Variants in MAGI1 observed in about 807,000 individuals in gnomAD.
MAGI1 encodes the protein membrane-associated guanylate kinase, WW and PDZ domain-containing protein 1.
MAGI1 carries 58 observed loss-of-function variants against 139.9 expected under a neutral mutation model. The observed-to-expected ratio is 0.41, with a 90% CI of 0.34 to 0.52. The LOEUF is 0.52. Among genes scored for constraint, MAGI1 ranks in the 20% least tolerant of loss-of-function variants. The pLI is 0.12. For missense variants in MAGI1, 1,874 were observed against 1,901.6 expected (o/e 0.99, Z 0.27); for synonymous variants, 812 against 737.9 (o/e 1.10, Z -1.63).
rs142785439 is a variant in MAGI1, at chr3:65,409,197, T to C, written c.2168-7727A>G. ...CTAAGAGATAAAAGTAAATCAGACA[T>C]GGCCCCTGCCCTGGAGGAGCTCATA... is the stretch of plus-strand genomic sequence containing the variant. On this transcript the variant is annotated intron_variant, in intron 12 of 22. Transcript: ENST00000402939. 3.9e-3 allele frequency among the ~76,000 whole-genome samples: 590 copies of C among 152,300 alleles called. 3 individuals are homozygous for C. Among genetic ancestry groups the C allele is most frequent in the Non-Finnish European group, 6.1e-3 (414 of 68,028 alleles).
At position 65,379,553 on chromosome 3, in the gene MAGI1, C is replaced by A. The variant is rs571060062; in HGVS notation, c.2703G>T (p.Val901=). Reference sequence around the variant, plus strand: ...AGGGCACCTCGTTCTCGGTTTTGGGCACTGTAGCAGAGAGATGCACGCGTA... The same window carrying A: ...AGGGCACCTCGTTCTCGGTTTTGGGAACTGTAGCAGAGAGATGCACGCGTA... ...LTVRRKVVFA[V]PKTENEVPSP... is the part of the protein sequence containing the mutation. Residue 901 remains valine, a splice_region_variant and synonymous_variant, in exon 17 of 23, where the codon GTG becomes GTT. Transcript: ENST00000402939. 3.1e-6 allele frequency: 5 copies of A among 1,607,842 alleles called. No individual in the cohort carries two copies. In the East Asian group the frequency reaches 9.0e-5, roughly 29 times the overall value.
intron 1 of MAGI1, among the ~76,000 whole-genome samples, chr3:65,693,714 T>TGTTTTC (rs1269553729): frequency 2.8e-4 from 43 of 152,264 alleles, no homozygotes; most frequent in African/African-American, 9.9e-4. Flanking sequence ...TTTTTGTTTT[T>TGTTTTC]GTTTTTTGTT....
At chr3:65,584,961 A>G (rs191548360) in intron 2 of MAGI1, among the ~76,000 whole-genome samples, 1 of 152,342 alleles carries the variant, frequency 6.6e-6, no homozygotes, top group East Asian at 1.9e-4. Flanking sequence ...AGAAAGGCAG[A>G]CGGGCCAAAT....
intron 2 of MAGI1, among the ~76,000 whole-genome samples, chr3:65,616,284 G>T (rs187820397): frequency 4.2e-4 from 64 of 152,248 alleles, no homozygotes; most frequent in Non-Finnish European, 7.9e-4. Flanking sequence ...GACAAGCCAA[G>T]GGCACATGGG....
At chr3:65,805,393 A>G (rs1394166139) in intron 1 of MAGI1, among the ~76,000 whole-genome samples, 4 of 152,234 alleles carry the variant, frequency 2.6e-5, no homozygotes, top group African/African-American at 9.6e-5. Context: ...ATGAAATACC[A>G]TCTTATGCCA....
intron 22 of MAGI1, chr3:65,359,206 G>A: frequency 6.3e-7 from 1 of 1,597,962 alleles, no homozygotes; most frequent in Admixed American, 1.7e-5. Flanking sequence ...GAGAAAGAGA[G>A]AAAGAGAAAA....
At chr3:65,435,966 G>A (rs1166904268) in intron 10 of MAGI1, among the ~76,000 whole-genome samples, 3 of 152,072 alleles carry the variant, frequency 2.0e-5, no homozygotes, top group Admixed American at 6.6e-5. Context: ...GCCTACAGAA[G>A]GAATTTTATG....
At chr3:66,010,264 AGAAAGTAAG>A (rs1043664968) in intron 1 of MAGI1, among the ~76,000 whole-genome samples, 9 of 152,180 alleles carry the variant, frequency 5.9e-5, no homozygotes, top group African/African-American at 2.2e-4. Flanking sequence ...AAAAGTATAC[AGAAAGTAAG>A]GAGCCTGCTC....
intron 1 of MAGI1, among the ~76,000 whole-genome samples, chr3:65,756,096 G>C (rs568057088): frequency 6.6e-6 from 1 of 152,104 alleles, no homozygotes; most frequent in Non-Finnish European, 1.5e-5. Context: ...AAAAATTATC[G>C]TGTCGGGGCT....
intron 13 of MAGI1, among the ~76,000 whole-genome samples, chr3:65,399,074 T>C (rs1449724219): frequency 4.6e-5 from 7 of 151,880 alleles, no homozygotes; most frequent in Non-Finnish European, 1.0e-4. Context: ...CAGGAGCCTC[T>C]AATAAAATAA....
chr3:65,661,598 A>G (rs566614272), intron 1 of MAGI1, among the ~76,000 whole-genome samples: 1 of 152,294 alleles, frequency 6.6e-6, no homozygotes, highest in African/African-American at 2.4e-5. Context: ...TCTAAGCCTC[A>G]GTTTCCTCAT....
At chr3:65,774,517 T>C (rs1266594490) in intron 1 of MAGI1, among the ~76,000 whole-genome samples, 1 of 152,190 alleles carries the variant, frequency 6.6e-6, no homozygotes, top group East Asian at 1.9e-4. Flanking sequence ...AAAGAATTCA[T>C]AATAAGTGCT....
chr3:65,857,910 G>C (rs975320995), intron 1 of MAGI1, among the ~76,000 whole-genome samples: 1 of 152,096 alleles, frequency 6.6e-6, no homozygotes, highest in Admixed American at 6.6e-5. Context: ...ACAACATTTA[G>C]GTGATTAGGC....
intron 14 of MAGI1, chr3:65,387,027 A>C (rs1943497668): frequency 9.5e-6 from 8 of 846,372 alleles, no homozygotes; most frequent in Non-Finnish European, 1.5e-5. Context: ...ACTTCCCTTC[A>C]TGCCCCTTTT....
intron 1 of MAGI1, among the ~76,000 whole-genome samples, chr3:65,684,167 C>CAAA (rs1163089641): frequency 5.0e-5 from 4 of 79,392 alleles, no homozygotes; most frequent in Admixed American, 1.5e-4. Flanking sequence ...GAGACTGTCT[C>CAAA]AAAAAAAAAA....
intron 1 of MAGI1, among the ~76,000 whole-genome samples, chr3:65,918,031 G>A (rs963751325): frequency 6.6e-6 from 1 of 152,138 alleles, no homozygotes; most frequent in Admixed American, 6.6e-5. Context: ...TGGAAGCAGA[G>A]GGTACATAGG....
chr3:65,898,771 T>C (rs1049984613), intron 1 of MAGI1, among the ~76,000 whole-genome samples: 5 of 152,228 alleles, frequency 3.3e-5, no homozygotes, highest in South Asian at 2.1e-4. Context: ...CATAAAGAAA[T>C]GATAAATGTT....
At chr3:65,585,997 C>A (rs892245380) in intron 2 of MAGI1, among the ~76,000 whole-genome samples, 4 of 152,080 alleles carry the variant, frequency 2.6e-5, no homozygotes, top group Non-Finnish European at 4.4e-5. Flanking sequence ...CAGCGGAGCC[C>A]AGGAGTTCGA....
intron 1 of MAGI1, among the ~76,000 whole-genome samples, chr3:65,805,039 T>A (rs1370654947): frequency 1.3e-5 from 2 of 152,160 alleles, no homozygotes; most frequent in Admixed American, 6.6e-5. Flanking sequence ...AAAGATTTCA[T>A]GACAAAAACA....
Sources: gnomAD v4.1 joint callset for allele counts (sites outside exome capture counted in the v4.1 genomes callset) on GRCh38, gnomAD v4.1.1 for gene constraint, MANE v1.5 for transcripts, NCBI Gene and HGNC (gene_info 2026-07-23, HGNC 2026-07-21) for gene names.